Variants in ZPLD1 observed in about 807,000 individuals in gnomAD.
The protein encoded by ZPLD1 is zona pellucida like domain containing 1.
Under a neutral mutation model 47.2 loss-of-function variants are expected in ZPLD1, and 34 were observed. The observed-to-expected ratio is 0.72, with a 90% confidence interval of 0.55 to 0.96. The LOEUF is 0.96. Among genes scored for constraint, ZPLD1 ranks in the 40% least tolerant of loss-of-function variants. ZPLD1 has a pLI of 0.00. For missense variants in ZPLD1, 512 were observed against 505.8 expected (o/e 1.01, Z -0.12); for synonymous variants, 176 against 186.2 (o/e 0.95, Z 0.45).
chr3:102,435,538 G>T (rs1707076638), intron 1 of ZPLD1, among the ~76,000 whole-genome samples: 1 of 152,002 alleles, frequency 6.6e-6, no homozygotes, highest in African/African-American at 2.4e-5. Flanking sequence ...ACATCAATAT[G>T]TGGTGGCCTT....
chr3:102,446,185 A>G (rs1031377115), intron 3 of ZPLD1, among the ~76,000 whole-genome samples: 9 of 152,202 alleles, frequency 5.9e-5, no homozygotes, highest in African/African-American at 2.2e-4. Flanking sequence ...AGAACACTCT[A>G]TTAGTTTATA....
intron 7 of ZPLD1, among the ~76,000 whole-genome samples, chr3:102,408,340 C>T (rs1380639087): frequency 1.3e-5 from 2 of 151,882 alleles, no homozygotes; most frequent in African/African-American, 4.8e-5. Context: ...AAAAGCCCAA[C>T]CCTGTAGTTG....
chr3:102,478,968 T>G lies in ZPLD1; in HGVS notation c.*1350T>G, dbSNP rs141256848. The G allele has an allele frequency of 5.9e-5, 9 of 152,326 alleles. No individual in the cohort carries two copies. The highest frequency in any genetic ancestry group is 1.7e-4 in the African/African-American group (7 of 41,586). 9.4% of individuals were successfully genotyped at this position (152,326 alleles called of 1,614,324 possible). A position where few individuals can be genotyped will look rare whatever the true frequency, so the allele number is the denominator to read the frequency against. ...TCCGGACTTAATTTACTATACTGCA[T>G]GCAAATCATCAAGCAATTGCTTCAA... On this transcript the variant is annotated 3_prime_UTR_variant, in exon 12 of 12. Coordinates refer to ENST00000466937, the MANE Select transcript of ZPLD1 (RefSeq NM_001329788.2).
At chr3:102,427,218 GAAATA>G (rs1445127513) in intron 8 of ZPLD1, among the ~76,000 whole-genome samples, 4 of 151,964 alleles carry the variant, frequency 2.6e-5, no homozygotes, top group Admixed American at 6.6e-5. Context: ...GACTCAAAAA[GAAATA>G]AAATAAAAGT....
chr3:102,387,120 T>A (rs1294295148), intron 6 of ZPLD1, among the ~76,000 whole-genome samples: 1 of 152,212 alleles, frequency 6.6e-6, no homozygotes, highest in Non-Finnish European at 1.5e-5. Flanking sequence ...AGCTCCATCA[T>A]TCTTTCCTGT....
intron 8 of ZPLD1, among the ~76,000 whole-genome samples, chr3:102,427,079 T>C (rs1311185603): frequency 6.6e-6 from 1 of 152,074 alleles, no homozygotes; most frequent in Non-Finnish European, 1.5e-5. Flanking sequence ...TTTTAAAAAA[T>C]CATGAACGTT....
intron 8 of ZPLD1, among the ~76,000 whole-genome samples, chr3:102,465,600 C>A (rs1707578373): frequency 6.6e-6 from 1 of 152,002 alleles, no homozygotes; most frequent in Admixed American, 6.6e-5. Flanking sequence ...CTTATTTTCC[C>A]AAACTTCTAT....
At chr3:102,456,804 A>G (rs1006642723) in intron 5 of ZPLD1, among the ~76,000 whole-genome samples, 3 of 152,104 alleles carry the variant, frequency 2.0e-5, no homozygotes, top group Non-Finnish European at 4.4e-5. Flanking sequence ...CCTCTTGGCC[A>G]TATGCTTTCA....
At chr3:102,469,558 A>G (rs1576167112) in intron 9 of ZPLD1, among the ~76,000 whole-genome samples, 2 of 152,288 alleles carry the variant, frequency 1.3e-5, no homozygotes, top group South Asian at 2.1e-4. Context: ...ACCCCAGAGA[A>G]CCAAAATCAA....
At chr3:102,385,251 T>C (rs1343322863) in exon 6 of ZPLD1, 1 of 152,268 alleles carries the variant, frequency 6.6e-6, no homozygotes, top group African/African-American at 2.4e-5. Flanking sequence ...GTCAATGCTA[T>C]TGCCACCCCC....
intron 9 of ZPLD1, 44 bp from the exon 10 acceptor site, chr3:102,470,350 T>A: frequency 6.6e-7 from 1 of 1,513,920 alleles, no homozygotes; most frequent in Non-Finnish European, 9.2e-7. Context: ...AAGAAACAAT[T>A]CTGCGCCGGT....
chr3:102,478,583 A>G lies in ZPLD1; in HGVS notation c.*965A>G, dbSNP rs1365902715. 1 of 152,216 alleles carries G rather than the reference A, an allele frequency of 6.6e-6. No individual in the cohort carries two copies. Among genetic ancestry groups the G allele is most frequent in the African/African-American group, 2.4e-5 (1 of 41,458 alleles). The allele number at this position is 152,216 out of a possible 1,614,324, so 9.4% of individuals were successfully genotyped here. A position where few individuals can be genotyped will look rare whatever the true frequency, so the allele number is the denominator to read the frequency against. ...TGCAGAACATTGTTGGAATCTACAT[A>G]AAAAGATATTCCTTCCCCCATATTT... On this transcript the variant is annotated 3_prime_UTR_variant, in exon 12 of 12. Coordinates refer to ENST00000466937, the MANE Select transcript of ZPLD1 (RefSeq NM_001329788.2).
intron 10 of ZPLD1, among the ~76,000 whole-genome samples, chr3:102,473,486 T>A (rs1312553009): frequency 6.6e-6 from 1 of 152,136 alleles, no homozygotes; most frequent in Non-Finnish European, 1.5e-5. Flanking sequence ...TAGAGTTTTC[T>A]CAGGGTCACC....
intron 8 of ZPLD1, among the ~76,000 whole-genome samples, chr3:102,421,418 A>T (rs1253553085): frequency 6.6e-6 from 1 of 151,898 alleles, no homozygotes; most frequent in Non-Finnish European, 1.5e-5. Flanking sequence ...AATAATTTTT[A>T]AAAACTACTC....
intron 8 of ZPLD1, among the ~76,000 whole-genome samples, chr3:102,465,311 C>T (rs1269344225): frequency 6.6e-6 from 1 of 152,136 alleles, no homozygotes; most frequent in Non-Finnish European, 1.5e-5. Context: ...AGAGTCCATA[C>T]AGGCACTACA....
chr3:102,434,969 G>A (rs1429405973), upstream of ZPLD1: 3 of 811,376 alleles, frequency 3.7e-6, no homozygotes, highest in Non-Finnish European at 6.0e-6. Flanking sequence ...ACCTGCCTAA[G>A]ATCTAGGGAG....
chr3:102,447,224 C>T (rs1390679320), intron 3 of ZPLD1, among the ~76,000 whole-genome samples: 3 of 152,102 alleles, frequency 2.0e-5, no homozygotes, highest in Non-Finnish European at 2.9e-5. Context: ...CGTGACCACA[C>T]CTGGCTAATT....
chr3:102,440,219 C>G (rs2107322324), intron 3 of ZPLD1, among the ~76,000 whole-genome samples: 1 of 152,194 alleles, frequency 6.6e-6, no homozygotes, highest in African/African-American at 2.4e-5. Flanking sequence ...TTGATGTGGT[C>G]ACATTTTGTT....
chr3:102,397,420 G>T (rs899918892), intron 7 of ZPLD1, among the ~76,000 whole-genome samples: 2 of 152,050 alleles, frequency 1.3e-5, no homozygotes, highest in African/African-American at 4.8e-5. Context: ...GCCACTGAAT[G>T]TTGCTTGGAG....
Sources: gnomAD v4.1 joint callset for allele counts (sites outside exome capture counted in the v4.1 genomes callset) on GRCh38, gnomAD v4.1.1 for gene constraint, MANE v1.5 for transcripts, NCBI Gene and HGNC (gene_info 2026-07-23, HGNC 2026-07-21) for gene names.